The following MAP3K13 variants were observed in gnomAD, a reference collection of about 807,000 sequenced individuals.
MAP3K13 encodes the protein mitogen-activated protein kinase kinase kinase 13.
In MAP3K13, 52 loss-of-function variants were observed where a neutral mutation model predicts 104.0. The observed-to-expected ratio is 0.50, with a 90% CI of 0.40 to 0.63. The LOEUF (loss-of-function observed/expected upper bound fraction) is 0.63. Ranked by LOEUF, MAP3K13 falls within the 20% of genes least tolerant of loss-of-function variation. MAP3K13 has a pLI of 0.00. For missense variants in MAP3K13, 914 were observed against 1,218.5 expected, an observed-to-expected ratio of 0.75 and a Z score of 3.72; for synonymous variants, 394 against 442.2, an observed-to-expected ratio of 0.89 and a Z score of 1.37.
intron 2 of MAP3K13, among the ~76,000 whole-genome samples, chr3:185,343,294 G>A (rs1722788837): frequency 1.3e-5 from 2 of 152,288 alleles, no homozygotes; most frequent in South Asian, 4.1e-4. Context: ...TTAAGAGTTT[G>A]TCTGCCATAA....
intron 7 of MAP3K13, among the ~76,000 whole-genome samples, chr3:185,455,453 T>TAC (rs1716507558): frequency 5.2e-5 from 6 of 116,138 alleles, no homozygotes; most frequent in African/African-American, 1.9e-4. Flanking sequence ...ATGAGATATA[T>TAC]ATCATATATA....
chr3:185,309,263 G>A (rs781235095), intron 2 of MAP3K13, among the ~76,000 whole-genome samples: 1 of 152,096 alleles, frequency 6.6e-6, no homozygotes, highest in Non-Finnish European at 1.5e-5. Context: ...AGCACTTTGG[G>A]AGGCCACAAG....
chr3:185,393,694 G>A (rs1712212532), intron 1 of MAP3K13, among the ~76,000 whole-genome samples: 1 of 151,980 alleles, frequency 6.6e-6, no homozygotes, highest in Non-Finnish European at 1.5e-5. Context: ...TCTTGACCTC[G>A]TGATCCACCC....
intron 1 of MAP3K13, among the ~76,000 whole-genome samples, chr3:185,408,081 C>T (rs1270076475): frequency 6.6e-6 from 1 of 151,570 alleles, no homozygotes; most frequent in Admixed American, 6.6e-5. Context: ...ATGGGCAGAG[C>T]AGAGATAAAA....
chr3:185,477,389 A>T lies in MAP3K13; in HGVS notation c.2494A>T (p.Arg832Ter). The T allele has an allele frequency of 6.2e-7, 1 of 1,612,208 alleles. No individual in the cohort carries two copies. The highest frequency in any genetic ancestry group is 8.5e-7 in the Non-Finnish European group (1 of 1,178,238). Residue 832 changes from arginine (R) to a stop codon, truncating the protein, a stop_gained, in exon 12 of 14, where the codon AGA (arginine) becomes TGA (stop). Transcript: ENST00000265026. LOFTEE classifies it high-confidence loss of function. ...AGATAGTGAAGTTGAATTTCCACGA[A>T]GACAGAGGTAAAACCAACAAATGCA... Reference protein sequence around the residue: ...EVDSEVEFPRRQRPHRCISSC... With the variant: ...EVDSEVEFPR
At chr3:185,479,779 G>A (rs912137865) in intron 12 of MAP3K13, among the ~76,000 whole-genome samples, 3 of 152,234 alleles carry the variant, frequency 2.0e-5, no homozygotes, top group African/African-American at 7.2e-5. Context: ...CAAGGTGTCA[G>A]CAGATTCAGT....
chr3:185,383,014 C>T (rs1724804777), intron 1 of MAP3K13, among the ~76,000 whole-genome samples: 3 of 140,168 alleles, frequency 2.1e-5, no homozygotes, highest in South Asian at 5.2e-4. Flanking sequence ...CTCCCCCCTC[C>T]CCCCAACCCA....
At chr3:185,394,992 A>C (rs1034191680) in intron 1 of MAP3K13, among the ~76,000 whole-genome samples, 3 of 152,224 alleles carry the variant, frequency 2.0e-5, no homozygotes, top group African/African-American at 7.2e-5. Context: ...TGATATTTTT[A>C]ATTCTAAGGT....
chr3:185,434,774 C>A (rs1714929122), intron 2 of MAP3K13, among the ~76,000 whole-genome samples: 1 of 151,964 alleles, frequency 6.6e-6, no homozygotes, highest in Non-Finnish European at 1.5e-5. Context: ...CAATGTTTAA[C>A]AGTAACTAAA....
intron 3 of MAP3K13, among the ~76,000 whole-genome samples, chr3:185,440,226 T>G (rs144386063): frequency 6.6e-6 from 1 of 152,324 alleles, no homozygotes; most frequent in African/African-American, 2.4e-5. Context: ...TTAGAAGTGA[T>G]TATAGAGCTG....
In MAP3K13 at chr3:185,454,704, TATCATATATGA is replaced by T. The variant is rs1560117257; in HGVS notation, c.1278+3310_1278+3320del. On this transcript the variant is annotated intron_variant, in intron 7 of 13. Transcript: ENST00000265026. ...ATATGATATATATATGAGATATATA[TATCATATATGA>T]GATATATATGATATATATGATATAT... Among the ~76,000 whole-genome samples, 179 of 24,838 alleles carry T rather than the reference TATCATATATGA, an allele frequency of 7.2e-3. 30 individuals carry two copies. The highest frequency in any genetic ancestry group is 0.012 in the African/African-American group (174 of 14,020). 16.3% of individuals were successfully genotyped at this position (24,838 alleles called of 152,430 possible). A position where few individuals can be genotyped will look rare whatever the true frequency, so the allele number is the denominator to read the frequency against.
intron 7 of MAP3K13, among the ~76,000 whole-genome samples, chr3:185,454,852 TATAC>T (rs1244469979): frequency 1.3e-5 from 1 of 75,592 alleles, no homozygotes; most frequent in Non-Finnish European, 2.7e-5. Flanking sequence ...ATATGAGATA[TATAC>T]ATGATATATA....
At chr3:185,415,541 T>A (rs1713705154) in intron 1 of MAP3K13, among the ~76,000 whole-genome samples, 1 of 151,608 alleles carries the variant, frequency 6.6e-6, no homozygotes, top group Admixed American at 6.6e-5. Flanking sequence ...ATCTCCTAAT[T>A]TAACATCACA....
intron 2 of MAP3K13, among the ~76,000 whole-genome samples, chr3:185,340,699 G>T (rs535077996): frequency 6.6e-6 from 1 of 152,048 alleles, no homozygotes; most frequent in African/African-American, 2.4e-5. Context: ...ATTAGATCAC[G>T]GGGGTAGTTT....
At chr3:185,392,245 A>C (rs1712105347) in intron 1 of MAP3K13, among the ~76,000 whole-genome samples, 1 of 152,226 alleles carries the variant, frequency 6.6e-6, no homozygotes, top group Non-Finnish European at 1.5e-5. Context: ...ACCTGCCTGC[A>C]CAGAGCTTAA....
intron 1 of MAP3K13, chr3:185,417,564 C>A: frequency 6.2e-7 from 1 of 1,611,046 alleles, no homozygotes; most frequent in Non-Finnish European, 8.5e-7. Context: ...GGGCTGGTTT[C>A]TTGGTAGCTG....
At chr3:185,424,002 G>A (rs753805919) in intron 1 of MAP3K13, among the ~76,000 whole-genome samples, 10 of 152,274 alleles carry the variant, frequency 6.6e-5, no homozygotes, top group South Asian at 2.1e-4. Flanking sequence ...TCTGTAGAAC[G>A]GAATATGGCT....
intron 5 of MAP3K13, 46 bp from the exon 6 acceptor site, chr3:185,449,854 A>T: frequency 6.6e-7 from 1 of 1,508,378 alleles, no homozygotes; most frequent in South Asian, 1.3e-5. Flanking sequence ...AATACAAATC[A>T]GTCTTTCTGA....
At chr3:185,386,190 T>C (rs1416510159) in intron 1 of MAP3K13, among the ~76,000 whole-genome samples, 1 of 152,050 alleles carries the variant, frequency 6.6e-6, no homozygotes, top group Non-Finnish European at 1.5e-5. Flanking sequence ...ATTCAGCATC[T>C]ATAAGGAGCT....
Sources: allele counts gnomAD v4.1 joint callset (sites outside exome capture counted in the v4.1 genomes callset), GRCh38; gene constraint gnomAD v4.1.1; transcripts MANE v1.5; gene names NCBI Gene and HGNC (gene_info 2026-07-23, HGNC 2026-07-21).